The following EDIL3 variants were observed in gnomAD, a reference collection of about 807,000 sequenced individuals.
The protein encoded by EDIL3 is EGF like and discoidin domains 3.
Under a neutral mutation model 67.4 loss-of-function variants are expected in EDIL3, and 37 were observed. The observed-to-expected ratio is 0.55, with a 90% CI of 0.42 to 0.72. The LOEUF is 0.72. Among genes scored for constraint, EDIL3 ranks in the 30% least tolerant of loss-of-function variants. The pLI is 0.00. For synonymous variants in EDIL3, 195 were observed against 196.3 expected (o/e 0.99, Z 0.05); for missense variants, 527 against 586.3 (o/e 0.90, Z 1.04).
chr5:83,975,589 G>A (rs986907445), intron 9 of EDIL3, among the ~76,000 whole-genome samples: 1 of 151,694 alleles, frequency 6.6e-6, no homozygotes, highest in African/African-American at 2.4e-5. Flanking sequence ...TTGATGGAAG[G>A]CTTCAGGCTC....
At chr5:84,046,566 T>G (rs1223856126) in intron 9 of EDIL3, among the ~76,000 whole-genome samples, 2 of 152,200 alleles carry the variant, frequency 1.3e-5, no homozygotes, top group Non-Finnish European at 2.9e-5. Flanking sequence ...AGGGCTGCTT[T>G]AAAGACAAAA....
chr5:84,103,393 T>C (rs1747403021), intron 6 of EDIL3, among the ~76,000 whole-genome samples: 2 of 152,028 alleles, frequency 1.3e-5, no homozygotes, highest in Admixed American at 6.6e-5. Flanking sequence ...CTAAAGAGCT[T>C]CTGCACAGAA....
At chr5:84,003,397 C>A (rs949871233) in intron 9 of EDIL3, among the ~76,000 whole-genome samples, 1 of 152,120 alleles carries the variant, frequency 6.6e-6, no homozygotes, top group African/African-American at 2.4e-5. Context: ...CAGCATATAG[C>A]CCAGGGTGCC....
At chr5:84,029,067 C>G (rs546111159) in intron 9 of EDIL3, among the ~76,000 whole-genome samples, 41 of 152,202 alleles carry the variant, frequency 2.7e-4, no homozygotes, top group Middle Eastern at 3.4e-3. Context: ...ACCATCCTGG[C>G]TAACATGGTG....
At position 84,037,776 on chromosome 5, in the gene EDIL3, A is replaced by G. The variant is rs555992745; in HGVS notation, c.1137+22524T>C. 6.6e-5 allele frequency among the ~76,000 whole-genome samples: 10 copies of G among 152,228 alleles called. 1 individual carries two copies. The highest frequency in any genetic ancestry group is 2.4e-4 in the African/African-American group (10 of 41,538). On this transcript the variant is annotated intron_variant, in intron 9 of 10. Transcript: ENST00000296591. ...CATGGTTATGTTTCTGTAAACTTCC[A>G]TGGCTGAACAAACAAAACAATCACC...
rs983540064 is a variant in EDIL3, at chr5:84,169,490, G to A, written c.355+10903C>T. ...GTATGTGTCATCACAGTCAATATAC[G>A]AAATGGTTCAAACACAAGGACACCT... On this transcript the variant is annotated intron_variant, in intron 4 of 10. Transcript: ENST00000296591. 2.0e-4 allele frequency among the ~76,000 whole-genome samples: 30 copies of A among 151,798 alleles called. 1 individual carries two copies. The highest frequency in any genetic ancestry group is 1.6e-3 in the Admixed American group (24 of 15,206).
At chr5:84,059,842 T>C (rs1374061864) in intron 9 of EDIL3, among the ~76,000 whole-genome samples, 1 of 152,188 alleles carries the variant, frequency 6.6e-6, no homozygotes, top group East Asian at 1.9e-4. Flanking sequence ...TTTGAGAATG[T>C]AATCAAATAT....
At chr5:84,248,485 T>C (rs1744955417) in intron 2 of EDIL3, among the ~76,000 whole-genome samples, 1 of 152,208 alleles carries the variant, frequency 6.6e-6, no homozygotes, top group South Asian at 2.1e-4. Flanking sequence ...TCCTCTATTC[T>C]TTCCCATGTC....
At chr5:83,997,605 A>G (rs1296015338) in intron 9 of EDIL3, among the ~76,000 whole-genome samples, 6 of 152,134 alleles carry the variant, frequency 3.9e-5, no homozygotes. Context: ...ATATCTAGTA[A>G]CCGTTTACTA....
intron 2 of EDIL3, among the ~76,000 whole-genome samples, chr5:84,241,059 G>A (rs1744784057): frequency 6.6e-6 from 1 of 152,086 alleles, no homozygotes; most frequent in South Asian, 2.1e-4. Flanking sequence ...CTGATTCCTA[G>A]GACAGGAAGT....
At chr5:84,248,924 C>T (rs1230888848) in intron 2 of EDIL3, among the ~76,000 whole-genome samples, 1 of 151,996 alleles carries the variant, frequency 6.6e-6, no homozygotes, top group African/African-American at 2.4e-5. Flanking sequence ...TTCAAATTGT[C>T]CCCCTGCTGT....
intron 9 of EDIL3, among the ~76,000 whole-genome samples, chr5:84,005,559 A>AGT: frequency 6.6e-6 from 1 of 152,300 alleles, no homozygotes; most frequent in Middle Eastern, 3.4e-3. Context: ...ACATACACAG[A>AGT]ACTAAAAGTG....
At chr5:84,295,829 C>A (rs1218241546) in intron 1 of EDIL3, among the ~76,000 whole-genome samples, 1 of 151,932 alleles carries the variant, frequency 6.6e-6, no homozygotes, top group East Asian at 1.9e-4. Context: ...TTTTGAATAC[C>A]CAAAGACATG....
intron 3 of EDIL3, among the ~76,000 whole-genome samples, chr5:84,212,217 T>G (rs935397101): frequency 6.6e-6 from 1 of 152,068 alleles, no homozygotes; most frequent in African/African-American, 2.4e-5. Flanking sequence ...TGAGATGGGA[T>G]CATCCTAGAT....
chr5:84,257,573 A>T (rs909479147), intron 1 of EDIL3, among the ~76,000 whole-genome samples: 5 of 152,150 alleles, frequency 3.3e-5, no homozygotes, highest in Admixed American at 6.5e-5. Context: ...AGAGCAAAAA[A>T]TTTGGGTTGA....
chr5:84,044,991 A>T (rs925593907), intron 9 of EDIL3, among the ~76,000 whole-genome samples: 2 of 152,194 alleles, frequency 1.3e-5, no homozygotes, highest in African/African-American at 4.8e-5. Flanking sequence ...CAAAGAAAAA[A>T]AGGTTTAATG....
intron 2 of EDIL3, among the ~76,000 whole-genome samples, chr5:84,233,892 C>G (rs1744630013): frequency 6.6e-6 from 1 of 152,154 alleles, no homozygotes. Context: ...GCTGATCCTG[C>G]TCAAAGGCAG....
At chr5:84,028,639 A>G (rs980583091) in intron 9 of EDIL3, among the ~76,000 whole-genome samples, 2 of 152,170 alleles carry the variant, frequency 1.3e-5, no homozygotes, top group Non-Finnish European at 2.9e-5. Flanking sequence ...AACTTCAAAA[A>G]AAGTCCAAAG....
intron 6 of EDIL3, among the ~76,000 whole-genome samples, chr5:84,069,800 G>A (rs1011782849): frequency 6.6e-6 from 1 of 152,052 alleles, no homozygotes; most frequent in Non-Finnish European, 1.5e-5. Context: ...ATGCCCAAAT[G>A]TTGCATTTTC....
Sources: gnomAD v4.1 joint callset for allele counts (sites outside exome capture counted in the v4.1 genomes callset) on GRCh38, gnomAD v4.1.1 for gene constraint, MANE v1.5 for transcripts, NCBI Gene and HGNC (gene_info 2026-07-23, HGNC 2026-07-21) for gene names.